IL19: variants seen among roughly 807,000 people sequenced by gnomAD.
IL19 encodes the protein interleukin 19.
A neutral mutation model predicts 19.5 loss-of-function variants in IL19; 15 were observed. The ratio of observed to expected loss-of-function variants is 0.77; its 90% CI spans 0.52 to 1.19. The LOEUF is 1.19. Ranked by LOEUF, IL19 falls within the 50% of genes most tolerant of loss-of-function variation. IL19 has a pLI of 0.00. For synonymous variants in IL19, 78 were observed against 78.3 expected, an observed-to-expected ratio of 1.00 and a Z score of 0.02; for missense variants, 199 against 213.1, an observed-to-expected ratio of 0.93 and a Z score of 0.41.
intron 2 of IL19, among the ~76,000 whole-genome samples, chr1:206,829,367 G>A (rs1572570878): frequency 6.6e-6 from 1 of 152,170 alleles, no homozygotes; most frequent in Admixed American, 6.5e-5. Context: ...GTTGAAGTGG[G>A]GAGGAGGAGG....
intron 2 of IL19, among the ~76,000 whole-genome samples, chr1:206,806,384 G>A (rs1218509408): frequency 6.6e-6 from 1 of 152,148 alleles, no homozygotes; most frequent in Non-Finnish European, 1.5e-5. Flanking sequence ...ATATATTCAG[G>A]TAGAACTTTT....
intron 2 of IL19, among the ~76,000 whole-genome samples, chr1:206,814,787 T>A (rs1399451196): frequency 6.6e-6 from 1 of 150,942 alleles, no homozygotes; most frequent in Admixed American, 6.6e-5. Context: ...GCAATGTGAG[T>A]CCTACTAGGA....
At chr1:206,803,216 T>C (rs1382767034) in intron 2 of IL19, among the ~76,000 whole-genome samples, 4 of 152,158 alleles carry the variant, frequency 2.6e-5, no homozygotes, top group Non-Finnish European at 5.9e-5. Context: ...TGCAGTTACA[T>C]CCATGGGCTT....
chr1:206,790,722 C>T (rs1316498404), intron 1 of IL19, among the ~76,000 whole-genome samples: 1 of 152,206 alleles, frequency 6.6e-6, no homozygotes, highest in Non-Finnish European at 1.5e-5. Context: ...TCTGACACCT[C>T]ATCCCCTTCC....
At position 206,814,849 on chromosome 1, in the gene IL19, T is replaced by C. The variant is rs369715573; in HGVS notation, c.-3+15843T>C. 5.9e-5 allele frequency among the ~76,000 whole-genome samples: 9 copies of C among 152,028 alleles called. 1 individual carries two copies. Among genetic ancestry groups the C allele is most frequent in the Admixed American group, 3.9e-4 (6 of 15,270 alleles). On this transcript the variant is annotated intron_variant, in intron 2 of 6. Coordinates refer to ENST00000659997, the MANE Select transcript of IL19 (RefSeq NM_153758.5). ...AGCAAATGGAACCCCTTGGGTCAAA[T>C]AGAAGATTAGAAGTTAGAAAAGAGG... is the stretch of plus-strand genomic sequence containing the variant.
intron 1 of IL19, among the ~76,000 whole-genome samples, chr1:206,794,354 G>A (rs1172407723): frequency 6.6e-6 from 1 of 152,004 alleles, no homozygotes; most frequent in Non-Finnish European, 1.5e-5. Flanking sequence ...TTCTGTCTAC[G>A]GTCCGTCACA....
intron 2 of IL19, among the ~76,000 whole-genome samples, chr1:206,825,605 T>C (rs1676419532): frequency 6.6e-6 from 1 of 152,192 alleles, no homozygotes; most frequent in African/African-American, 2.4e-5. Flanking sequence ...GCATGTAGAC[T>C]CTTTGGGCCT....
At chr1:206,828,794 G>A (rs1016413022) in intron 2 of IL19, 15 of 151,922 alleles carry the variant, frequency 9.9e-5, no homozygotes, top group African/African-American at 2.2e-4. Flanking sequence ...CTAAATAAAC[G>A]TTTACTTTTG....
At chr1:206,807,712 C>G (rs1017278408) in intron 2 of IL19, among the ~76,000 whole-genome samples, 2 of 137,244 alleles carry the variant, frequency 1.5e-5, no homozygotes, top group African/African-American at 5.5e-5. Context: ...GAGTATGAAC[C>G]CCACAAAAGC....
chr1:206,775,093 T>A (rs1319859621), intron 1 of IL19, among the ~76,000 whole-genome samples: 12 of 151,560 alleles, frequency 7.9e-5, no homozygotes, highest in Admixed American at 7.9e-4. Flanking sequence ...CAGGCTGGAG[T>A]GCAGTGGCAT....
At chr1:206,826,505 G>A (rs958121829) in intron 2 of IL19, among the ~76,000 whole-genome samples, 4 of 152,068 alleles carry the variant, frequency 2.6e-5, no homozygotes, top group East Asian at 1.9e-4. Flanking sequence ...TGCCCTTACC[G>A]CTTTAGTATT....
Position 206,776,902 on chromosome 1 carries a change from G to T in IL19, c.-149+5824G>T, listed in dbSNP as rs566996233. Among the ~76,000 whole-genome samples the T allele has an allele frequency of 2.2e-5, 2 of 90,138 alleles. 1 individual carries two copies. Among genetic ancestry groups the T allele is most frequent in the East Asian group, 7.4e-4 (2 of 2,704 alleles). 59.1% of individuals were successfully genotyped at this position (90,138 alleles called of 152,430 possible). A position where few individuals can be genotyped will look rare whatever the true frequency, so the allele number is the denominator to read the frequency against. On this transcript the variant is annotated intron_variant, in intron 1 of 6. Coordinates refer to ENST00000659997, the MANE Select transcript of IL19 (RefSeq NM_153758.5). ...CTCTGTTTTCACTGTATTAAATCTT[G>T]CAACTACAAAAAAAAAAAAAAAAAA...
chr1:206,776,551 A>G (rs928498284), intron 1 of IL19, among the ~76,000 whole-genome samples: 1 of 151,972 alleles, frequency 6.6e-6, no homozygotes, highest in South Asian at 2.1e-4. Flanking sequence ...AACCTCCCCA[A>G]CAGCACTTGG....
At chr1:206,779,397 C>T (rs1675078707) in intron 1 of IL19, among the ~76,000 whole-genome samples, 1 of 152,138 alleles carries the variant, frequency 6.6e-6, no homozygotes, top group East Asian at 1.9e-4. Context: ...AGCCTCCATA[C>T]CAGTGTTGGC....
At chr1:206,774,408 C>A (rs1674939239) in intron 1 of IL19, among the ~76,000 whole-genome samples, 1 of 152,198 alleles carries the variant, frequency 6.6e-6, no homozygotes, top group East Asian at 1.9e-4. Flanking sequence ...GGGACCAGGA[C>A]CTGGGTTTCC....
chr1:206,771,430 A>T (rs191140520), intron 1 of IL19: 19 of 1,596,430 alleles, frequency 1.2e-5, no homozygotes, highest in Non-Finnish European at 1.5e-5. Flanking sequence ...AGGAAGAACA[A>T]AAGGAGAATG....
chr1:206,838,992 G>A (rs1676902738), intron 4 of IL19, among the ~76,000 whole-genome samples: 1 of 152,196 alleles, frequency 6.6e-6, no homozygotes, highest in African/African-American at 2.4e-5. Flanking sequence ...GGCCAAGGAG[G>A]CTTTGCTTCT....
intron 1 of IL19, among the ~76,000 whole-genome samples, chr1:206,774,108 G>A (rs1659459239): frequency 1.3e-5 from 2 of 152,218 alleles, no homozygotes; most frequent in South Asian, 4.1e-4. Flanking sequence ...TGCAAGGGGT[G>A]CAAACACCTT....
intron 2 of IL19, among the ~76,000 whole-genome samples, chr1:206,806,102 G>T (rs1430083124): frequency 6.6e-6 from 1 of 152,134 alleles, no homozygotes; most frequent in Non-Finnish European, 1.5e-5. Context: ...AATCCTCGTT[G>T]ATTTTGATTG....
Sources: gnomAD v4.1 joint callset for allele counts (sites outside exome capture counted in the v4.1 genomes callset) on GRCh38, gnomAD v4.1.1 for gene constraint, MANE v1.5 for transcripts, NCBI Gene and HGNC (gene_info 2026-07-23, HGNC 2026-07-21) for gene names.